Variants in ATRN observed in about 807,000 individuals in gnomAD.
ATRN encodes attractin-2.
ATRN carries 54 observed loss-of-function variants against 178.7 expected under a neutral mutation model. The ratio of observed to expected loss-of-function variants is 0.30; its 90% CI spans 0.24 to 0.38. ATRN has a LOEUF of 0.38. Among genes scored for constraint, ATRN ranks in the 10% least tolerant of loss-of-function variants. The pLI is 1.00. For synonymous variants in ATRN, 636 were observed against 663.0 expected, an observed-to-expected ratio of 0.96 and a Z score of 0.63; for missense variants, 1,443 against 1,815.1, an observed-to-expected ratio of 0.79 and a Z score of 3.73.
In ATRN at chr20:3,646,737, A is replaced by T; in HGVS notation, c.4180A>T (p.Ser1394Cys). 6.2e-7 allele frequency: 1 copy of T among 1,603,322 alleles called. No homozygotes were observed. Residue 1394 changes from serine to cysteine, a missense_variant, in exon 29 of 29, where the codon AGC becomes TGC. By Grantham distance (112) the Ser-to-Cys change is moderately radical. Transcript: ENST00000262919. ...GTTCTCCCAAGGTCTTGCTGTGGCC[A>T]GCGCCCTGGTGGACATTTCTCAGCA... ...PPGQSGLAVA[S>C]ALVDISQQMP...
intron 1 of ATRN, among the ~76,000 whole-genome samples, chr20:3,506,575 G>T (rs1409015748): frequency 6.7e-6 from 1 of 150,042 alleles, no homozygotes; most frequent in Non-Finnish European, 1.5e-5. Flanking sequence ...AGTGAGTTGA[G>T]ATCATTGCCA....
At chr20:3,603,497 T>C (rs1042108610) in intron 23 of ATRN, among the ~76,000 whole-genome samples, 8 of 151,918 alleles carry the variant, frequency 5.3e-5, no homozygotes, top group African/African-American at 1.9e-4. Flanking sequence ...TTCTTTCTTT[T>C]TTTTTTTTTG....
rs1212683245 is a variant in ATRN, at chr20:3,638,481, A to G, written c.3943-347A>G. ...ATGAACTCATTTATTTTATGGCCGCATAGTATTCCATGGTGTATATGTGCC... is the reference window on the plus strand; with the variant it reads ...ATGAACTCATTTATTTTATGGCCGCGTAGTATTCCATGGTGTATATGTGCC... On this transcript the variant is annotated intron_variant, in intron 26 of 28. Coordinates refer to ENST00000262919, the MANE Select transcript of ATRN (RefSeq NM_139321.3). The surrounding 1 kb of genome is among the most constrained non-coding windows in gnomAD (Gnocchi z 4.5). Among the ~76,000 whole-genome samples, 1 of 152,214 alleles carries G rather than the reference A, an allele frequency of 6.6e-6. No homozygotes were observed. Among genetic ancestry groups the G allele is most frequent in the Non-Finnish European group, 1.5e-5 (1 of 68,044 alleles).
At chr20:3,631,989 C>T (rs920339325) in intron 25 of ATRN, among the ~76,000 whole-genome samples, 1 of 152,106 alleles carries the variant, frequency 6.6e-6, no homozygotes, top group African/African-American at 2.4e-5. Flanking sequence ...TCTGTATTCA[C>T]TCTCTTGGTG....
intron 22 of ATRN, among the ~76,000 whole-genome samples, chr20:3,599,471 G>A (rs2086576776): frequency 6.6e-6 from 1 of 152,170 alleles, no homozygotes; most frequent in African/African-American, 2.4e-5. Flanking sequence ...AAATGCATAT[G>A]TTCTGTCCTC....
At chr20:3,510,026 G>A (rs113509672) in intron 1 of ATRN, among the ~76,000 whole-genome samples, 41 of 151,982 alleles carry the variant, frequency 2.7e-4, no homozygotes, top group African/African-American at 9.7e-4. Context: ...TATATATATC[G>A]TGGCTCTTGA....
At chr20:3,586,286 A>T (rs1412941674) in intron 18 of ATRN, among the ~76,000 whole-genome samples, 1 of 152,244 alleles carries the variant, frequency 6.6e-6, no homozygotes, top group Non-Finnish European at 1.5e-5. Context: ...ATTTTCTGAC[A>T]TGGATTACCC....
intron 28 of ATRN, among the ~76,000 whole-genome samples, chr20:3,646,166 A>T (rs1324522858): frequency 1.3e-5 from 2 of 152,102 alleles, no homozygotes; most frequent in Non-Finnish European, 2.9e-5. Flanking sequence ...AGGTTAAAGA[A>T]CCTTGCTTAT....
chr20:3,523,038 GGGAACAAAACT>G (rs1225106127), intron 1 of ATRN, among the ~76,000 whole-genome samples: 4 of 151,956 alleles, frequency 2.6e-5, no homozygotes, highest in Admixed American at 2.6e-4. Context: ...TCGCCAGCAA[GGGAACAAAACT>G]GGATGGAGAA....
At chr20:3,602,637 T>C (rs560326050) in intron 23 of ATRN, among the ~76,000 whole-genome samples, 1 of 151,874 alleles carries the variant, frequency 6.6e-6, no homozygotes, top group South Asian at 2.1e-4. Flanking sequence ...ATTATCAGAG[T>C]ATTTGGAGAA....
chr20:3,566,904 CAAAAAAAAAAA>C (rs33920660), intron 11 of ATRN, among the ~76,000 whole-genome samples: 4 of 86,456 alleles, frequency 4.6e-5, no homozygotes. Context: ...GACTCCATCT[CAAAAAAAAAAA>C]AAAAAAAAAG....
At chr20:3,636,861 G>T (rs892965735) in intron 26 of ATRN, among the ~76,000 whole-genome samples, 2 of 152,152 alleles carry the variant, frequency 1.3e-5, no homozygotes, top group African/African-American at 4.8e-5. Context: ...TCTAGACTGT[G>T]CACTAAGTGA....
intron 12 of ATRN, among the ~76,000 whole-genome samples, chr20:3,575,287 ACAGGAGATGCGGCAGGTCT>A (rs1341529959): frequency 1.3e-5 from 2 of 152,186 alleles, no homozygotes; most frequent in Admixed American, 1.3e-4. Context: ...TCTAGAGTTA[ACAGGAGATGCGGCAGGTCT>A]GTAGTAGCCC....
chr20:3,520,046 G>C (rs894318361), intron 1 of ATRN, among the ~76,000 whole-genome samples: 5 of 152,078 alleles, frequency 3.3e-5, no homozygotes, highest in Non-Finnish European at 5.9e-5. Context: ...AGTGAAGAGC[G>C]GTGAACAGTG....
chr20:3,572,983 TGAA>T (rs1230244660), intron 12 of ATRN, 32 bp downstream of exon 12: 1 of 1,575,272 alleles, frequency 6.3e-7, no homozygotes, highest in Non-Finnish European at 8.7e-7. Flanking sequence ...TAGATTTTAA[TGAA>T]TTTGAGACCT....
chr20:3,511,342 A>G (rs1050045674), intron 1 of ATRN, among the ~76,000 whole-genome samples: 2 of 152,192 alleles, frequency 1.3e-5, no homozygotes, highest in Non-Finnish European at 2.9e-5. Flanking sequence ...GATAAAGGCA[A>G]AAAGAAAACA....
intron 3 of ATRN, among the ~76,000 whole-genome samples, chr20:3,545,105 G>A (rs369394155): frequency 6.6e-6 from 1 of 151,734 alleles, no homozygotes; most frequent in Non-Finnish European, 1.5e-5. Flanking sequence ...AATGGCTCAC[G>A]CCTGTAGTCC....
At chr20:3,498,984 G>C (rs1447602735) in intron 1 of ATRN, among the ~76,000 whole-genome samples, 27 of 112,924 alleles carry the variant, frequency 2.4e-4, no homozygotes, top group African/African-American at 5.2e-4. Context: ...CTTCAGCAAA[G>C]TCTCAGGATA....
At chr20:3,511,843 A>T (rs1333832013) in intron 1 of ATRN, among the ~76,000 whole-genome samples, 1 of 152,048 alleles carries the variant, frequency 6.6e-6, no homozygotes, top group Non-Finnish European at 1.5e-5. Context: ...TGTGTGGGGC[A>T]TTTGTTTACT....
Sources: gnomAD v4.1 joint callset for allele counts (sites outside exome capture counted in the v4.1 genomes callset) on GRCh38, gnomAD v4.1.1 for gene constraint, Gnocchi (gnomAD v3.1) non-coding constraint, MANE v1.5 for transcripts, NCBI Gene and HGNC (gene_info 2026-07-23, HGNC 2026-07-21) for gene names.